CNTRL: variants seen among roughly 807,000 people sequenced by gnomAD.
CNTRL encodes the protein 110 kDa centrosomal protein.
Under a neutral mutation model 303.7 loss-of-function variants are expected in CNTRL, and 233 were observed. That is an observed-to-expected ratio of 0.77 (90% CI 0.69 to 0.86). The LOEUF (loss-of-function observed/expected upper bound fraction) is 0.86. Ranked by LOEUF, CNTRL falls within the 40% of genes least tolerant of loss-of-function variation. The pLI is 0.00. For synonymous variants in CNTRL, 900 were observed against 922.2 expected, an observed-to-expected ratio of 0.98 and a Z score of 0.44; for missense variants, 2,524 against 2,650.6, an observed-to-expected ratio of 0.95 and a Z score of 1.05.
intron 12 of CNTRL, among the ~76,000 whole-genome samples, chr9:121,123,073 T>C (rs917538483): frequency 6.6e-6 from 1 of 152,220 alleles, no homozygotes; most frequent in African/African-American, 2.4e-5. Flanking sequence ...AGAAACCTTT[T>C]TTAAAAAGTA....
intron 6 of CNTRL, 110 bp from the exon 7 acceptor site, chr9:121,098,276 T>A: frequency 1.2e-6 from 1 of 808,452 alleles, no homozygotes; most frequent in South Asian, 1.8e-5. Flanking sequence ...GGTAATTGGC[T>A]TCATGAATAG....
intron 34 of CNTRL, 55 bp downstream of exon 34, chr9:121,162,326 T>C (rs781069814): frequency 2.1e-6 from 3 of 1,445,052 alleles, no homozygotes; most frequent in Non-Finnish European, 2.9e-6. Context: ...CAAAGCATTA[T>C]AAACACACTA....
chr9:121,158,263 A>G (rs998742158), intron 30 of CNTRL, 154 bp downstream of exon 30: 3 of 870,006 alleles, frequency 3.4e-6, no homozygotes, highest in East Asian at 5.4e-5. Flanking sequence ...ACTCAATACA[A>G]TACTTCTGAA....
intron 7 of CNTRL, among the ~76,000 whole-genome samples, chr9:121,099,256 C>A (rs907248390): frequency 1.3e-5 from 2 of 152,160 alleles, no homozygotes; most frequent in Non-Finnish European, 2.9e-5. Flanking sequence ...ATATGCCGTT[C>A]TGCAGCCTCC....
At chr9:121,113,094 A>G (rs2049820798) in intron 9 of CNTRL, among the ~76,000 whole-genome samples, 2 of 152,172 alleles carry the variant, frequency 1.3e-5, no homozygotes, top group African/African-American at 4.8e-5. Flanking sequence ...TTATTAAAAT[A>G]TATTATACTG....
At chr9:121,087,405 G>A (rs1176858866) in intron 2 of CNTRL, among the ~76,000 whole-genome samples, 5 of 152,150 alleles carry the variant, frequency 3.3e-5, no homozygotes, top group East Asian at 1.9e-4. Context: ...TATAAATATC[G>A]GCTGGGCATG....
At chr9:121,104,187 A>T (rs2049331910) in intron 7 of CNTRL, among the ~76,000 whole-genome samples, 4 of 152,266 alleles carry the variant, frequency 2.6e-5, no homozygotes, top group Non-Finnish European at 4.4e-5. Flanking sequence ...ATGGAATACT[A>T]TGCAGCCATA....
At chr9:121,091,392 A>G (rs993367526) in intron 4 of CNTRL, among the ~76,000 whole-genome samples, 2 of 152,240 alleles carry the variant, frequency 1.3e-5, no homozygotes, top group Non-Finnish European at 2.9e-5. Context: ...TAAAAGTATT[A>G]GAGAGAGTAT....
chr9:121,083,787 CAT>C (rs771590666), intron 2 of CNTRL, among the ~76,000 whole-genome samples: 12 of 152,308 alleles, frequency 7.9e-5, no homozygotes, highest in African/African-American at 1.9e-4. Context: ...TCACTACAAA[CAT>C]GTGAGTAATG....
intron 15 of CNTRL, among the ~76,000 whole-genome samples, chr9:121,136,643 T>C (rs898263585): frequency 6.6e-6 from 1 of 152,142 alleles, no homozygotes; most frequent in African/African-American, 2.4e-5. Flanking sequence ...TAAGTTGTAG[T>C]TTGCTGTCTC....
chr9:121,112,527 C>G lies in CNTRL; in HGVS notation c.1071C>G (p.Ala357=). The G allele has an allele frequency of 6.2e-7, 1 of 1,612,470 alleles. No individual in the cohort carries two copies. Among genetic ancestry groups the G allele is most frequent in the South Asian group, 1.1e-5 (1 of 91,040 alleles). The change falls in exon 9 of 44, where the codon GCC becomes GCG. Residue 357 remains alanine, a synonymous_variant. Transcript: ENST00000373855. ...QKQYELEQEL[A]FYKIDAKFEP... is the part of the protein sequence containing the mutation. ...AATATGAGCTGGAACAGGAATTGGC[C>G]TTTTATAAAATTGATGCTAAATTTG... is the stretch of plus-strand genomic sequence containing the variant.
Position 121,096,471 on chromosome 9 carries a change from G to T in CNTRL, c.529G>T (p.Ala177Ser). 2 of 1,574,326 alleles carry T rather than the reference G, an allele frequency of 1.3e-6. No homozygotes were observed. The highest frequency in any genetic ancestry group is 1.7e-6 in the Non-Finnish European group (2 of 1,157,756). ...NMCNLQKLNL[A>S]GNEIEHIPVW... is the part of the protein sequence containing the mutation. ...GTGTAATCTGCAAAAGCTTAACCTT[G>T]CAGGAAATGAAATTGAGCATATTCC... Residue 177 changes from alanine to serine, a missense_variant, in exon 6 of 44, where the codon GCA becomes TCA. Physicochemically the swap from Ala to Ser is moderately conservative, Grantham distance 99. Transcript: ENST00000373855.
At chr9:121,090,197 C>G (rs1046000476) in intron 3 of CNTRL, 78 bp from the exon 4 acceptor site, 21 of 1,337,240 alleles carry the variant, frequency 1.6e-5, no homozygotes, top group Non-Finnish European at 2.1e-5. Context: ...GTTTTTGTTA[C>G]ATAACATCAA....
rs889795464 is a variant in CNTRL at position 121,149,774 on chromosome 9, C to T, written c.3650-396C>T. On this transcript the variant is annotated intron_variant, in intron 24 of 43. Coordinates refer to ENST00000373855, the MANE Select transcript of CNTRL (RefSeq NM_007018.6). ...TTGTCAGTGATCAGCAAACATATTT[C>T]CTGGTTTTAGGGCAGATAAGTTAGT... Among the ~76,000 whole-genome samples the T allele has an allele frequency of 2.6e-5, 4 of 152,124 alleles. 1 individual carries two copies. The highest frequency in any genetic ancestry group is 4.1e-4 in the South Asian group (2 of 4,826).
In CNTRL at chr9:121,152,548, A is replaced by C; in HGVS notation, c.4027A>C (p.Arg1343=). The change falls in exon 26 of 44, where the codon AGG becomes CGG. Residue 1343 remains arginine, a synonymous_variant. Transcript: ENST00000373855. ...TTTAAAATCAAAGAAGCGGGAAGAA[A>C]GGTGGATGAGAGCATCCAAGCGGCA... ...QHLKSKKREE[R]WMRASKRQSE... is the part of the protein sequence containing the mutation. The C allele has an allele frequency of 6.2e-7, 1 of 1,614,114 alleles. No individual in the cohort carries two copies. The highest frequency in any genetic ancestry group is 8.5e-7 in the Non-Finnish European group (1 of 1,179,966).
intron 11 of CNTRL, among the ~76,000 whole-genome samples, chr9:121,117,158 CA>C (rs967689580): frequency 1.3e-5 from 2 of 152,106 alleles, no homozygotes; most frequent in African/African-American, 4.8e-5. Context: ...AGGTAAGCTT[CA>C]GCTGGGTTCT....
rs532419601 is a variant in CNTRL at position 121,088,405 on chromosome 9, A to T, written c.79A>T (p.Met27Leu). ...SSSHSPIPSS[M>L]SNMRSRSLSP... ...ATCTCACTCTCCTATCCCATCATCT[A>T]TGTCCAATATGAGATCTAGGTCACT... is the stretch of plus-strand genomic sequence containing the variant. Residue 27 changes from methionine (M) to leucine (L), a missense_variant, in exon 3 of 44, where the codon ATG (methionine) becomes TTG (leucine). Physicochemically the swap from Met to Leu is conservative, Grantham distance 15. Coordinates refer to ENST00000373855, the MANE Select transcript of CNTRL (RefSeq NM_007018.6). 7.4e-6 allele frequency: 12 copies of T among 1,612,550 alleles called. No homozygotes were observed. The South Asian group carries it at 1.3e-4, about 18-fold the overall frequency.
chr9:121,125,872 C>G lies in CNTRL; in HGVS notation c.1961C>G (p.Thr654Arg). ...AAAGAGACATTGTTGCAGAGATTGACAGAAGTCGAGCAGGAGAGAGACCAG... is the reference window on the plus strand; with the variant it reads ...AAAGAGACATTGTTGCAGAGATTGAGAGAAGTCGAGCAGGAGAGAGACCAG... ...DEKETLLQRL[T>R]EVEQERDQLE... The change falls in exon 14 of 44, where the codon ACA (threonine) becomes AGA (arginine). Residue 654 changes from threonine to arginine, a missense_variant. Transcript: ENST00000373855. 6.2e-7 allele frequency: 1 copy of G among 1,614,136 alleles called. No individual in the cohort carries two copies. The highest frequency in any genetic ancestry group is 8.5e-7 in the Non-Finnish European group (1 of 1,180,022).
At chr9:121,134,651 T>C (rs1249184056) in intron 14 of CNTRL, among the ~76,000 whole-genome samples, 1 of 152,076 alleles carries the variant, frequency 6.6e-6, no homozygotes, top group Non-Finnish European at 1.5e-5. Flanking sequence ...CCCAAGAATG[T>C]GTGTGTGTGT....
Sources: gnomAD v4.1 joint callset for allele counts (sites outside exome capture counted in the v4.1 genomes callset) on GRCh38, gnomAD v4.1.1 for gene constraint, MANE v1.5 for transcripts, NCBI Gene and HGNC (gene_info 2026-07-23, HGNC 2026-07-21) for gene names.